The following MYH10 variants were observed in gnomAD, a reference collection of about 807,000 sequenced individuals.
MYH10 encodes the protein myosin-10.
In MYH10, 55 loss-of-function variants were observed where a neutral mutation model predicts 257.8. The observed-to-expected ratio is 0.21, with a 90% CI of 0.17 to 0.27. The LOEUF (loss-of-function observed/expected upper bound fraction) is 0.27, where lower values mean the gene tolerates loss of function less well. Among genes scored for constraint, MYH10 ranks in the 10% least tolerant of loss-of-function variants. MYH10 has a pLI of 1.00. For synonymous variants in MYH10, 854 were observed against 921.7 expected, an observed-to-expected ratio of 0.93 and a Z score of 1.33; for missense variants, 1,631 against 2,500.6, an observed-to-expected ratio of 0.65 and a Z score of 7.42.
At chr17:8,529,781 A>C (rs1203634138) in intron 17 of MYH10, among the ~76,000 whole-genome samples, 1 of 152,224 alleles carries the variant, frequency 6.6e-6, no homozygotes, top group African/African-American at 2.4e-5. Context: ...AAAAATCATA[A>C]AGGAAATTTC....
Position 8,618,327 on chromosome 17 carries a change from C to T in MYH10, c.345+4575G>A, listed in dbSNP as rs561729865. Among the ~76,000 whole-genome samples the T allele has an allele frequency of 3.3e-5, 5 of 151,532 alleles. No individual in the cohort carries two copies. In the East Asian group the frequency reaches 9.7e-4, roughly 29 times the overall value. The stretch of plus-strand genomic sequence containing the variant: ...GCAATGGCACGATCTCAGCTCACTG[C>T]AACCTCTGTCTCCTGGGTTGTCCTG... On this transcript the variant is annotated intron_variant, in intron 2 of 42. Coordinates refer to ENST00000360416, the MANE Select transcript of MYH10 (RefSeq NM_001256012.3).
intron 28 of MYH10, among the ~76,000 whole-genome samples, chr17:8,502,896 CCAAGT>C (rs2080944178): frequency 6.6e-6 from 1 of 152,150 alleles, no homozygotes; most frequent in Non-Finnish European, 1.5e-5. Context: ...GAGAGTTCAG[CCAAGT>C]CTAGTTCAGT....
Position 8,476,908 on chromosome 17 carries a change from G to A in MYH10, c.5847C>T (p.Ser1949=). 1 of 1,612,130 alleles carries A rather than the reference G, an allele frequency of 6.2e-7. No homozygotes were observed. ...DDATEANEGL[S]REVSTLKNRL... ...GGTTCTTCAGGGTGCTGACCTCGCG[G>A]CTCAGGCCCTCGTTGGCCTCGGTGG... The change falls in exon 42 of 43, where the codon AGC becomes AGT. Residue 1949 remains serine, a synonymous_variant. Coordinates refer to ENST00000360416, the MANE Select transcript of MYH10 (RefSeq NM_001256012.3).
chr17:8,510,055 T>TTTGACACAGAGTCTCGCTCTG, intron 24 of MYH10, 106 bp from the exon 25 acceptor site: 1 of 1,225,590 alleles, frequency 8.2e-7, no homozygotes, highest in Non-Finnish European at 1.1e-6. Flanking sequence ...TTTTTTTTTT[T>TTTGACACAGAGTCTCGCTCTG]TGACACGGAG....
Position 8,569,451 on chromosome 17 carries a change from G to A in MYH10, c.756+269C>T, listed in dbSNP as rs1435200107. On this transcript the variant is annotated intron_variant, in intron 7 of 42. Coordinates refer to ENST00000360416, the MANE Select transcript of MYH10 (RefSeq NM_001256012.3). The surrounding 1 kb of genome is among the most constrained non-coding windows in gnomAD (Gnocchi z 4.1). ...GCCCAATCAAAGATAAATAAGCTCAGAGAGGTTAAATTACATATCCATAAA... is the reference window on the plus strand; with the variant it reads ...GCCCAATCAAAGATAAATAAGCTCAAAGAGGTTAAATTACATATCCATAAA... Among the ~76,000 whole-genome samples the A allele has an allele frequency of 6.6e-6, 1 of 152,120 alleles. No homozygotes were observed.
intron 3 of MYH10, among the ~76,000 whole-genome samples, chr17:8,595,216 G>A (rs969010408): frequency 3.3e-5 from 5 of 152,078 alleles, no homozygotes; most frequent in Non-Finnish European, 7.4e-5. Flanking sequence ...TATTCCTAGC[G>A]TTTATTTATT....
At chr17:8,479,206 T>G (rs1913235391) in intron 40 of MYH10, among the ~76,000 whole-genome samples, 1 of 152,134 alleles carries the variant, frequency 6.6e-6, no homozygotes, top group Non-Finnish European at 1.5e-5. Flanking sequence ...CCTATTGTGA[T>G]GTAGAGGGCT....
intron 6 of MYH10, among the ~76,000 whole-genome samples, chr17:8,574,643 T>C (rs1198250555): frequency 6.6e-6 from 1 of 152,270 alleles, no homozygotes; most frequent in African/African-American, 2.4e-5. Context: ...TTACAATTCA[T>C]ACTACCGTTT....
intron 7 of MYH10, among the ~76,000 whole-genome samples, chr17:8,558,789 AC>A (rs1386443030): frequency 1.3e-5 from 2 of 152,222 alleles, no homozygotes; most frequent in African/African-American, 4.8e-5. Context: ...TAATTATAAA[AC>A]ATTTTCATCT....
At chr17:8,494,169 T>TCC (rs1198628980) in intron 31 of MYH10, among the ~76,000 whole-genome samples, 1 of 151,282 alleles carries the variant, frequency 6.6e-6, no homozygotes, top group Admixed American at 6.6e-5. Flanking sequence ...CCCTCCTGCG[T>TCC]CCCCCACCAC....
intron 7 of MYH10, among the ~76,000 whole-genome samples, chr17:8,561,804 C>T (rs117112979): frequency 0.017 from 2,551 of 152,152 alleles, 40 homozygotes; most frequent in Non-Finnish European, 0.026. Flanking sequence ...GTCCTTTTCA[C>T]ACCTAGGGTC....
chr17:8,512,689 C>T, intron 23 of MYH10, 32 bp from the exon 24 acceptor site: 1 of 1,579,712 alleles, frequency 6.3e-7, no homozygotes, highest in South Asian at 1.1e-5. Flanking sequence ...TGTGATTTGC[C>T]CCTATTACAT....
intron 2 of MYH10, among the ~76,000 whole-genome samples, chr17:8,619,652 G>A (rs908844030): frequency 3.3e-5 from 5 of 152,072 alleles, no homozygotes; most frequent in East Asian, 1.9e-4. Flanking sequence ...GGCAGGGCAC[G>A]GTGGCTCATG....
chr17:8,506,097 T>C lies in MYH10; in HGVS notation c.3386+221A>G, dbSNP rs1329746368. The C allele has an allele frequency of 4.5e-6, 2 of 445,770 alleles. No individual in the cohort carries two copies. Among genetic ancestry groups the C allele is most frequent in the African/African-American group, 4.1e-5 (2 of 48,866 alleles). 27.6% of individuals were successfully genotyped at this position (445,770 alleles called of 1,614,324 possible). ...ATTTCCAAGGGTTTCATAATATAATTTGTCATTTTAAAGTATAAATATTGA... is the reference window on the plus strand; with the variant it reads ...ATTTCCAAGGGTTTCATAATATAATCTGTCATTTTAAAGTATAAATATTGA... On this transcript the variant is annotated intron_variant, in intron 27 of 42. Transcript: ENST00000360416. The surrounding 1 kb of genome is among the most constrained non-coding windows in gnomAD (Gnocchi z 5.0).
intron 36 of MYH10, among the ~76,000 whole-genome samples, chr17:8,487,040 T>C (rs536661349): frequency 6.6e-6 from 1 of 152,304 alleles, no homozygotes. Flanking sequence ...GATCACTTCT[T>C]GTCATTGTGG....
intron 7 of MYH10, among the ~76,000 whole-genome samples, chr17:8,566,717 G>C (rs1189562015): frequency 1.3e-5 from 2 of 152,178 alleles, no homozygotes; most frequent in Admixed American, 6.5e-5. Flanking sequence ...TGAGATAATC[G>C]ATGCCTGAAG....
chr17:8,617,341 T>G (rs996776933), intron 2 of MYH10, among the ~76,000 whole-genome samples: 1 of 152,172 alleles, frequency 6.6e-6, no homozygotes, highest in Non-Finnish European at 1.5e-5. Context: ...CTCTCTGAGT[T>G]GAGGCAACAG....
At chr17:8,529,510 T>C (rs1597746762) in intron 17 of MYH10, among the ~76,000 whole-genome samples, 1 of 152,222 alleles carries the variant, frequency 6.6e-6, no homozygotes, top group East Asian at 1.9e-4. Flanking sequence ...ATTTCAACAC[T>C]GTCAGCATTC....
intron 32 of MYH10, 128 bp downstream of exon 32, chr17:8,493,605 A>T: frequency 8.9e-7 from 1 of 1,120,786 alleles, no homozygotes; most frequent in Non-Finnish European, 1.2e-6. Flanking sequence ...AAAACCATTT[A>T]ATGGGCTTAA....
Sources: allele counts gnomAD v4.1 joint callset (sites outside exome capture counted in the v4.1 genomes callset), GRCh38; gene constraint gnomAD v4.1.1; non-coding constraint Gnocchi (gnomAD v3.1); transcripts MANE v1.5; gene names NCBI Gene and HGNC (gene_info 2026-07-23, HGNC 2026-07-21).